MALRD1: variants seen among roughly 807,000 people sequenced by gnomAD.
MALRD1 encodes the protein MAM and LDL receptor class A domain containing 1, also known as MAM and LDL-receptor class A domain-containing protein 1.
Under a neutral mutation model 242.1 loss-of-function variants are expected in MALRD1, and 247 were observed. The observed-to-expected ratio is 1.02, with a 90% CI of 0.92 to 1.13. The LOEUF (loss-of-function observed/expected upper bound fraction) is 1.13, where lower values mean the gene tolerates loss of function less well. Among genes scored for constraint, MALRD1 ranks in the 50% most tolerant of loss-of-function variants. The pLI is 0.00. For missense variants in MALRD1, 2,989 were observed against 2,533.1 expected, an observed-to-expected ratio of 1.18 and a Z score of -3.86; for synonymous variants, 995 against 866.6, an observed-to-expected ratio of 1.15 and a Z score of -2.60.
At chr10:19,429,648 T>C (rs1436848275) in intron 28 of MALRD1, among the ~76,000 whole-genome samples, 1 of 152,184 alleles carries the variant, frequency 6.6e-6, no homozygotes, top group Non-Finnish European at 1.5e-5. Flanking sequence ...GTATTTTTGA[T>C]ACCTGCTATA....
At chr10:19,240,053 A>G (rs1838688445) in intron 18 of MALRD1, among the ~76,000 whole-genome samples, 1 of 152,166 alleles carries the variant, frequency 6.6e-6, no homozygotes, top group South Asian at 2.1e-4. Flanking sequence ...TGGTATTTTG[A>G]TAGGGATTGC....
intron 35 of MALRD1, among the ~76,000 whole-genome samples, chr10:19,610,738 G>A (rs1411861513): frequency 6.6e-6 from 1 of 152,008 alleles, no homozygotes. Flanking sequence ...TTTGGAGTCA[G>A]AAGACAAGGG....
chr10:19,248,902 A>G (rs904171713), intron 18 of MALRD1, among the ~76,000 whole-genome samples: 2 of 148,140 alleles, frequency 1.4e-5, no homozygotes, highest in African/African-American at 4.9e-5. Context: ...ATATACGTGT[A>G]TATCATATGT....
intron 18 of MALRD1, among the ~76,000 whole-genome samples, chr10:19,244,559 T>C (rs1043789247): frequency 1.3e-5 from 2 of 151,656 alleles, no homozygotes; most frequent in Admixed American, 6.6e-5. Flanking sequence ...AGTCAGACCC[T>C]GTTTCAAAAA....
intron 4 of MALRD1, among the ~76,000 whole-genome samples, chr10:19,095,195 A>G (rs1404589739): frequency 1.3e-5 from 2 of 152,218 alleles, no homozygotes; most frequent in African/African-American, 4.8e-5. Context: ...TAAGAGGAAA[A>G]GAATGGCTAA....
At chr10:19,309,549 T>C (rs972213119) in intron 21 of MALRD1, among the ~76,000 whole-genome samples, 1 of 151,484 alleles carries the variant, frequency 6.6e-6, no homozygotes, top group African/African-American at 2.4e-5. Context: ...AAAAAGTATT[T>C]GCTTAGGTGA....
chr10:19,393,169 T>A (rs1323297837), intron 28 of MALRD1, among the ~76,000 whole-genome samples: 1 of 152,140 alleles, frequency 6.6e-6, no homozygotes, highest in Non-Finnish European at 1.5e-5. Flanking sequence ...GGCCCTATCT[T>A]TTTCTGAATT....
intron 5 of MALRD1, among the ~76,000 whole-genome samples, chr10:19,115,444 T>TA (rs1836838435): frequency 6.6e-6 from 1 of 151,788 alleles, no homozygotes; most frequent in African/African-American, 2.4e-5. Context: ...TTTTTAAAAG[T>TA]AAAAAACAAC....
At chr10:19,517,542 T>C (rs1247942314) in intron 31 of MALRD1, among the ~76,000 whole-genome samples, 1 of 152,194 alleles carries the variant, frequency 6.6e-6, no homozygotes, top group Non-Finnish European at 1.5e-5. Context: ...GTTCACCCAT[T>C]TCTGTAGAAA....
chr10:19,352,735 T>G (rs868677767), intron 26 of MALRD1, among the ~76,000 whole-genome samples: 7 of 152,198 alleles, frequency 4.6e-5, no homozygotes, highest in Non-Finnish European at 1.0e-4. Context: ...CAATTTGATA[T>G]TGAAACAAAG....
rs1166360032 is a variant in MALRD1, at chr10:19,531,164, C to T, written c.5321-30C>T. The T allele has an allele frequency of 4.6e-6, 7 of 1,527,402 alleles. No homozygotes were observed. The South Asian group carries it at 7.3e-5, about 16-fold the overall frequency. The allele number at this position is 1,527,402 out of a possible 1,614,324, so 94.6% of individuals were successfully genotyped here. ...CGACTCATGCGATATTATCATTACA[C>T]TGAAAAAAATTTTGTTAATCTATTT... On this transcript the variant is annotated intron_variant, in intron 31 of 39. Coordinates refer to ENST00000454679, the MANE Select transcript of MALRD1 (RefSeq NM_001142308.3).
In MALRD1 at chr10:19,126,554, CT is replaced by C. The variant is rs535545921; in HGVS notation, c.944-1665del. On this transcript the variant is annotated intron_variant, in intron 7 of 39. Transcript: ENST00000454679. ...TTAAGTGTATACTTGCTAATATTTT[CT>C]TATTTATTTCCTAGTGTATCTTAAT... 1.7e-3 allele frequency among the ~76,000 whole-genome samples: 256 copies of C among 151,932 alleles called. 3 individuals carry two copies. The highest frequency in any genetic ancestry group is 5.9e-3 in the African/African-American group (244 of 41,486).
At chr10:19,489,054 G>A (rs1837358590) in intron 29 of MALRD1, 1 of 457,938 alleles carries the variant, frequency 2.2e-6, no homozygotes, top group Non-Finnish European at 4.4e-6. Context: ...GGGTGGAGGG[G>A]CGGCAGCGCC....
intron 21 of MALRD1, among the ~76,000 whole-genome samples, chr10:19,314,750 G>A (rs1193431468): frequency 2.0e-5 from 3 of 151,326 alleles, no homozygotes; most frequent in Non-Finnish European, 1.5e-5. Flanking sequence ...AGGTAGAGTT[G>A]AATAGTTATA....
chr10:19,668,593 A>G (rs1332782439), intron 36 of MALRD1, among the ~76,000 whole-genome samples: 1 of 152,234 alleles, frequency 6.6e-6, no homozygotes, highest in East Asian at 1.9e-4. Context: ...CAGAAGTGAC[A>G]TAGAGAGCTG....
At chr10:19,555,580 G>A (rs1184518804) in intron 32 of MALRD1, among the ~76,000 whole-genome samples, 1 of 152,162 alleles carries the variant, frequency 6.6e-6, no homozygotes, top group Non-Finnish European at 1.5e-5. Context: ...TTATGCTAGA[G>A]CATAAGGAGG....
At chr10:19,694,214 A>G (rs567696081) in intron 38 of MALRD1, among the ~76,000 whole-genome samples, 1 of 152,228 alleles carries the variant, frequency 6.6e-6, no homozygotes, top group Non-Finnish European at 1.5e-5. Context: ...ACAAAAGCCA[A>G]AATTGACAAA....
intron 1 of MALRD1, chr10:19,052,246 G>A (rs1020958046): frequency 4.4e-5 from 10 of 225,544 alleles, no homozygotes; most frequent in African/African-American, 2.3e-4. Context: ...AATTTAAGTA[G>A]TCTTCATTTT....
At position 19,176,060 on chromosome 10, in the gene MALRD1, C is replaced by A. The variant is rs79611951; in HGVS notation, c.1951+732C>A. On this transcript the variant is annotated intron_variant, in intron 14 of 39. Coordinates refer to ENST00000454679, the MANE Select transcript of MALRD1 (RefSeq NM_001142308.3). ...ATGTTTCTCTCTGACCACTCCTACC[C>A]TCAGATCTCAATGAATCTGACAATA... Among the ~76,000 whole-genome samples, 2,432 of 152,224 alleles carry A rather than the reference C, an allele frequency of 0.016. 104 individuals are homozygous for A. In the East Asian group the frequency reaches 0.18, roughly 11 times the overall value.
Sources: gnomAD v4.1 joint callset for allele counts (sites outside exome capture counted in the v4.1 genomes callset) on GRCh38, gnomAD v4.1.1 for gene constraint, MANE v1.5 for transcripts, NCBI Gene and HGNC (gene_info 2026-07-23, HGNC 2026-07-21) for gene names.